Variants in TRIP12 observed in about 807,000 individuals in gnomAD.
TRIP12 encodes the protein thyroid hormone receptor interactor 12.
TRIP12 carries 25 observed loss-of-function variants against 244.2 expected under a neutral mutation model. The ratio of observed to expected loss-of-function variants is 0.10; its 90% CI spans 0.07 to 0.14. TRIP12 has a LOEUF of 0.14. Among genes scored for constraint, TRIP12 ranks in the 10% least tolerant of loss-of-function variants. TRIP12 has a pLI of 1.00. For missense variants in TRIP12, 1,677 were observed against 2,486.4 expected, an observed-to-expected ratio of 0.67 and a Z score of 6.92; for synonymous variants, 905 against 873.1, an observed-to-expected ratio of 1.04 and a Z score of -0.64.
rs1158078878 is a variant in TRIP12, at chr2:229,778,289, T to A, written c.5364+144A>T. 3 of 1,119,560 alleles carry A rather than the reference T, an allele frequency of 2.7e-6. No individual in the cohort carries two copies. Among genetic ancestry groups the A allele is most frequent in the African/African-American group, 3.1e-5 (2 of 63,940 alleles). The allele number at this position is 1,119,560 out of a possible 1,614,324, so 69.4% of individuals were successfully genotyped here. On this transcript the variant is annotated intron_variant, in intron 36 of 41. Coordinates refer to ENST00000675903, the MANE Select transcript of TRIP12 (RefSeq NM_001348323.3). The surrounding 1 kb of genome is among the most constrained non-coding windows in gnomAD (Gnocchi z 4.1). ...CCTACTGAATCAGAACCGGCATTTT[T>A]AACAAAATCCCCAAGTAATTCATAT...
intron 2 of TRIP12, among the ~76,000 whole-genome samples, chr2:229,872,575 A>G (rs1397045918): frequency 1.3e-5 from 2 of 152,172 alleles, no homozygotes; most frequent in Non-Finnish European, 2.9e-5. Context: ...AAAAAAAATA[A>G]AGAAAAAGAT....
At chr2:229,916,869 A>AG (rs1227342069) in intron 1 of TRIP12, among the ~76,000 whole-genome samples, 1 of 151,684 alleles carries the variant, frequency 6.6e-6, no homozygotes, top group East Asian at 1.9e-4. Context: ...TTAAAAAAAA[A>AG]AAAAGAAAAA....
intron 2 of TRIP12, among the ~76,000 whole-genome samples, chr2:229,878,059 A>C (rs2063962842): frequency 6.6e-6 from 1 of 152,240 alleles, no homozygotes; most frequent in South Asian, 2.1e-4. Context: ...GTTTACCAAT[A>C]ATCCTATGAA....
At chr2:229,887,816 T>A (rs2066380707) in intron 1 of TRIP12, among the ~76,000 whole-genome samples, 1 of 152,250 alleles carries the variant, frequency 6.6e-6, no homozygotes, top group African/African-American at 2.4e-5. Flanking sequence ...AAGAGCATCA[T>A]ATTTTAATTT....
At position 229,796,591 on chromosome 2, in the gene TRIP12, T is replaced by C. The variant is rs2042879578; in HGVS notation, c.3816A>G (p.Pro1272=). ...KRFLHVFFSS[P]LPGEEPIGRV... is the part of the protein sequence containing the mutation. ...ACACAGGCATTATTAGATAACTTAC[T>C]GGAGAAGAAAAAAATACATGAAGAA... Residue 1272 remains proline (P), a splice_region_variant and synonymous_variant, in exon 25 of 42, where the codon CCA becomes CCG. Transcript: ENST00000675903. 1.9e-6 allele frequency: 3 copies of C among 1,583,590 alleles called. No homozygotes were observed. The highest frequency in any genetic ancestry group is 2.7e-5 in the African/African-American group (2 of 73,410).
chr2:229,829,329 T>C lies in TRIP12; in HGVS notation c.1355-41A>G, dbSNP rs763281630. On this transcript the variant is annotated intron_variant, in intron 7 of 41. Coordinates refer to ENST00000675903, the MANE Select transcript of TRIP12 (RefSeq NM_001348323.3). ...GGGCAGAGTGAACAACTAAGATGAC[T>C]TCATGCAACTGATGTATCTAAAAAT... is the stretch of plus-strand genomic sequence containing the variant. The C allele has an allele frequency of 1.7e-5, 26 of 1,510,464 alleles. No individual in the cohort carries two copies. In the South Asian group the frequency reaches 3.0e-4, roughly 18 times the overall value. 93.6% of individuals were successfully genotyped at this position (1,510,464 alleles called of 1,614,324 possible).
At chr2:229,771,721 C>A in intron 38 of TRIP12, 89 bp from the exon 39 acceptor site, 1 of 884,074 alleles carries the variant, frequency 1.1e-6, no homozygotes, top group South Asian at 1.5e-5. Context: ...AAACACCCTT[C>A]TGGATCACTT....
At chr2:229,803,960 T>C in intron 19 of TRIP12, 39 bp downstream of exon 19, 1 of 1,530,328 alleles carries the variant, frequency 6.5e-7, no homozygotes, top group African/African-American at 1.4e-5. Context: ...TGCAGAGATT[T>C]GTATTTGTAA....
At chr2:229,869,815 C>A (rs10498240) in intron 2 of TRIP12, among the ~76,000 whole-genome samples, 38,169 of 152,162 alleles carry the variant, frequency 0.25, 5,896 homozygotes, top group Middle Eastern at 0.43. Context: ...AGAGTCAACA[C>A]AACTTTAAAG....
intron 6 of TRIP12, among the ~76,000 whole-genome samples, chr2:229,831,890 T>TG (rs1292726411): frequency 2.0e-5 from 3 of 148,598 alleles, no homozygotes; most frequent in Admixed American, 6.7e-5. Flanking sequence ...TTTTTGGGTT[T>TG]TTTTTTTTTT....
chr2:229,785,814 A>G lies in TRIP12; in HGVS notation c.5037T>C (p.Ser1679=). ...GTGAGCTGCCGAGGTCCTGCATCACAGACTCCGCCTGTTTCAGCAGCTCCT... is the reference window on the plus strand; with the variant it reads ...GTGAGCTGCCGAGGTCCTGCATCACGGACTCCGCCTGTTTCAGCAGCTCCT... ...NREELLKQAE[S]VMQDLGSSRA... The change falls in exon 34 of 42, where the codon TCT becomes TCC. Residue 1679 remains serine, a synonymous_variant. Transcript: ENST00000675903. 1.9e-6 allele frequency: 3 copies of G among 1,613,836 alleles called. No homozygotes were observed. In the South Asian group the frequency reaches 3.3e-5, roughly 18 times the overall value.
intron 1 of TRIP12, among the ~76,000 whole-genome samples, chr2:229,883,914 C>G (rs57215005): frequency 0.055 from 8,309 of 152,074 alleles, 760 homozygotes; most frequent in African/African-American, 0.19. Context: ...TTCGAGACCA[C>G]CCTGGCCAAC....
chr2:229,907,313 A>G (rs2073114895), intron 1 of TRIP12, among the ~76,000 whole-genome samples: 1 of 152,226 alleles, frequency 6.6e-6, no homozygotes. Flanking sequence ...TGTATTTTCT[A>G]TATTTTACAC....
rs763033860 is a variant in TRIP12 at position 229,811,217 on chromosome 2, T to A, written c.1987-13A>T. ...CTGACTTTTTATCCTATTTTTTTAA[T>A]AAAGGAAAATAAAATTTATTAGCAT... On this transcript the variant is annotated splice_polypyrimidine_tract_variant and intron_variant, in intron 13 of 41. Transcript: ENST00000675903. 6.2e-7 allele frequency: 1 copy of A among 1,606,404 alleles called. No individual in the cohort carries two copies. The highest frequency in any genetic ancestry group is 1.1e-5 in the South Asian group (1 of 90,230).
chr2:229,879,122 C>T (rs1454713469), intron 2 of TRIP12, among the ~76,000 whole-genome samples: 1 of 151,906 alleles, frequency 6.6e-6, no homozygotes, highest in East Asian at 2.0e-4. Context: ...TGCGGTGGTG[C>T]ACACCTGTAA....
At chr2:229,922,614 G>T (rs1241114893), upstream of TRIP12, 3 of 1,613,800 alleles carry the variant, frequency 1.9e-6, no homozygotes, top group East Asian at 6.7e-5. Context: ...TCTCAGGCAA[G>T]TGCGAGCCGC....
At chr2:229,896,948 A>C (rs1425442081) in intron 1 of TRIP12, among the ~76,000 whole-genome samples, 1 of 152,188 alleles carries the variant, frequency 6.6e-6, no homozygotes, top group East Asian at 1.9e-4. Flanking sequence ...AAAAGAATAA[A>C]TCCTAATGTA....
chr2:229,768,506 A>C (rs1048143250), intron 41 of TRIP12, 110 bp downstream of exon 41: 1 of 913,832 alleles, frequency 1.1e-6, no homozygotes, highest in African/African-American at 1.7e-5. Flanking sequence ...TGGAATAACT[A>C]AGAGGCACTG....
In TRIP12 at chr2:229,777,411, G is replaced by A. The variant is rs1401778783; in HGVS notation, c.5433C>T (p.His1811=). 2 of 1,613,896 alleles carry A rather than the reference G, an allele frequency of 1.2e-6. No individual in the cohort carries two copies. The highest frequency in any genetic ancestry group is 4.5e-5 in the East Asian group (2 of 44,870). Residue 1811 remains histidine, a synonymous_variant, in exon 37 of 42, where the codon CAC becomes CAT. Coordinates refer to ENST00000675903, the MANE Select transcript of TRIP12 (RefSeq NM_001348323.3). ...CAACTGGGTCGATGTCAAACAAATC[G>A]TGTGATGTCAGTGAAGTTTCTTGCC... ...MLRQETSLTS[H]DLFDIDPVVA... is the part of the protein sequence containing the mutation.
Sources: gnomAD v4.1 joint callset for allele counts (sites outside exome capture counted in the v4.1 genomes callset) on GRCh38, gnomAD v4.1.1 for gene constraint, Gnocchi (gnomAD v3.1) non-coding constraint, MANE v1.5 for transcripts, NCBI Gene and HGNC (gene_info 2026-07-23, HGNC 2026-07-21) for gene names.